The following SDK1 variants were observed in gnomAD, a reference collection of about 807,000 sequenced individuals.
The protein encoded by SDK1 is sidekick cell adhesion molecule 1, also known as protein sidekick-1.
In SDK1, 157 loss-of-function variants were observed where a neutral mutation model predicts 245.5. The observed-to-expected ratio is 0.64, with a 90% CI of 0.56 to 0.73. The LOEUF (loss-of-function observed/expected upper bound fraction) is 0.73. Ranked by LOEUF, SDK1 falls within the 30% of genes least tolerant of loss-of-function variation. The pLI is 0.00. For missense variants in SDK1, 3,583 were observed against 3,002.3 expected, an observed-to-expected ratio of 1.19 and a Z score of -4.52; for synonymous variants, 1,647 against 1,278.5, an observed-to-expected ratio of 1.29 and a Z score of -6.15.
In SDK1 at chr7:3,559,411, A is replaced by G. The variant is rs185576576; in HGVS notation, c.299-59669A>G. Among the ~76,000 whole-genome samples, 23 of 152,276 alleles carry G rather than the reference A, an allele frequency of 1.5e-4. No homozygotes were observed. In the East Asian group the frequency reaches 4.1e-3, roughly 27 times the overall value. On this transcript the variant is annotated intron_variant, in intron 1 of 44. Coordinates refer to ENST00000404826, the MANE Select transcript of SDK1 (RefSeq NM_152744.4). ...GCTTGGATCCATTTCCAGGAAAAAA[A>G]ATTTCTCTGCCAGTGAACTTTTATG...
intron 4 of SDK1, among the ~76,000 whole-genome samples, chr7:3,694,577 T>TC (rs1554249916): frequency 6.6e-6 from 1 of 150,676 alleles, no homozygotes; most frequent in African/African-American, 2.5e-5. Context: ...TTTATGTTGG[T>TC]GGGGGGGGAA....
At chr7:3,468,015 G>T (rs1781061340) in intron 1 of SDK1, among the ~76,000 whole-genome samples, 1 of 151,676 alleles carries the variant, frequency 6.6e-6, no homozygotes, top group African/African-American at 2.4e-5. Context: ...TTCCACTGTA[G>T]ACATTTATAA....
intron 6 of SDK1, among the ~76,000 whole-genome samples, chr7:3,951,338 T>C (rs1318456293): frequency 6.6e-6 from 1 of 152,166 alleles, no homozygotes; most frequent in Non-Finnish European, 1.5e-5. Flanking sequence ...TTCATTGCTC[T>C]TCTCCTCTTA....
In SDK1 at chr7:3,753,724, A is replaced by AGT. The variant is rs1178152880; in HGVS notation, c.714-67724_714-67723dup. On this transcript the variant is annotated intron_variant, in intron 4 of 44. Coordinates refer to ENST00000404826, the MANE Select transcript of SDK1 (RefSeq NM_152744.4). ...TTTTTATTATCAATGAAATGCATGA[A>AGT]GTGACAGGCCTTGGTTGGTGAAGTG... 2.0e-5 allele frequency among the ~76,000 whole-genome samples: 3 copies of AGT among 152,074 alleles called. No homozygotes were observed. The East Asian group carries it at 5.8e-4, about 29-fold the overall frequency.
At chr7:4,166,508 C>G (rs1339296058) in intron 32 of SDK1, among the ~76,000 whole-genome samples, 1 of 152,222 alleles carries the variant, frequency 6.6e-6, no homozygotes, top group Non-Finnish European at 1.5e-5. Flanking sequence ...CCCGGCACAG[C>G]CTGAGGAAAG....
chr7:3,519,625 G>A (rs969924482), intron 1 of SDK1, among the ~76,000 whole-genome samples: 6 of 152,096 alleles, frequency 3.9e-5, no homozygotes, highest in Non-Finnish European at 7.4e-5. Context: ...AGAAATTGAG[G>A]CAGAGAAGAT....
At chr7:3,725,860 C>T (rs1285811833) in intron 4 of SDK1, among the ~76,000 whole-genome samples, 1 of 152,218 alleles carries the variant, frequency 6.6e-6, no homozygotes, top group Non-Finnish European at 1.5e-5. Flanking sequence ...TCTAAAATTA[C>T]TGCAGTCGGA....
intron 1 of SDK1, among the ~76,000 whole-genome samples, chr7:3,303,654 G>T (rs1248726534): frequency 2.0e-5 from 3 of 152,194 alleles, no homozygotes; most frequent in Non-Finnish European, 4.4e-5. Context: ...AAAGTGTACA[G>T]ATCTTTTAGT....
chr7:3,812,726 A>T (rs534257172), intron 4 of SDK1, among the ~76,000 whole-genome samples: 1 of 152,290 alleles, frequency 6.6e-6, no homozygotes, highest in East Asian at 1.9e-4. Context: ...CAGAAGTATA[A>T]CTTACCCTTT....
chr7:4,226,978 G>A (rs1019922029), intron 40 of SDK1, among the ~76,000 whole-genome samples: 4 of 151,096 alleles, frequency 2.6e-5, no homozygotes, highest in African/African-American at 2.4e-5. Flanking sequence ...GCCCAGAGAC[G>A]AGGGCAGGTG....
chr7:3,681,458 A>G (rs1241721925), intron 4 of SDK1, among the ~76,000 whole-genome samples: 2 of 152,164 alleles, frequency 1.3e-5, no homozygotes, highest in East Asian at 3.9e-4. Flanking sequence ...CTTTCTGTTG[A>G]GTTTTACCTC....
intron 4 of SDK1, among the ~76,000 whole-genome samples, chr7:3,752,249 T>G (rs1457262769): frequency 5.9e-5 from 9 of 152,206 alleles, no homozygotes; most frequent in Non-Finnish European, 1.2e-4. Context: ...ATTTATTGGA[T>G]CAATTATTTG....
At chr7:4,227,642 G>A (rs1785520176) in intron 40 of SDK1, among the ~76,000 whole-genome samples, 1 of 152,338 alleles carries the variant, frequency 6.6e-6, no homozygotes, top group African/African-American at 2.4e-5. Context: ...GGCAGTGAAT[G>A]ACGGTTTCAT....
At chr7:3,411,591 C>G (rs1043271192) in intron 1 of SDK1, among the ~76,000 whole-genome samples, 2 of 152,116 alleles carry the variant, frequency 1.3e-5, no homozygotes, top group Non-Finnish European at 2.9e-5. Context: ...ATCTGTGATA[C>G]TTCCCAGCAA....
At chr7:4,066,754 C>G (rs1779928863) in intron 19 of SDK1, among the ~76,000 whole-genome samples, 1 of 152,176 alleles carries the variant, frequency 6.6e-6, no homozygotes, top group African/African-American at 2.4e-5. Context: ...TCAGAACTGC[C>G]AGATGTCCCT....
intron 17 of SDK1, among the ~76,000 whole-genome samples, chr7:4,036,527 A>G (rs7811346): frequency 0.31 from 47,519 of 151,948 alleles, 11,618 homozygotes; most frequent in African/African-American, 0.69. Flanking sequence ...ACACCGTAAC[A>G]TAGTTGAAAT....
rs567254504 is a variant in SDK1, at chr7:3,543,150, C to T, written c.299-75930C>T. ...AAGTAACGGAGGTTATGCATCATTT[C>T]TACTCTAGTTGTGGAAATCGACAAA... On this transcript the variant is annotated intron_variant, in intron 1 of 44. Transcript: ENST00000404826. 5.3e-5 allele frequency among the ~76,000 whole-genome samples: 8 copies of T among 152,360 alleles called. No homozygotes were observed. In the South Asian group the frequency reaches 1.7e-3, roughly 32 times the overall value.
intron 1 of SDK1, among the ~76,000 whole-genome samples, chr7:3,449,530 G>T (rs1402360201): frequency 6.6e-6 from 1 of 152,170 alleles, no homozygotes; most frequent in Admixed American, 6.6e-5. Context: ...AATTAGGTTA[G>T]ATCATCTTTA....
At chr7:3,366,388 A>T (rs540956340) in intron 1 of SDK1, among the ~76,000 whole-genome samples, 29 of 151,418 alleles carry the variant, frequency 1.9e-4, no homozygotes, top group Non-Finnish European at 4.0e-4. Flanking sequence ...TTTGGAGATT[A>T]CTCCATTATA....
Sources: gnomAD v4.1 joint callset for allele counts (sites outside exome capture counted in the v4.1 genomes callset) on GRCh38, gnomAD v4.1.1 for gene constraint, MANE v1.5 for transcripts, NCBI Gene and HGNC (gene_info 2026-07-23, HGNC 2026-07-21) for gene names.